Variants in TMBIM6 observed in about 807,000 individuals in gnomAD.
The protein encoded by TMBIM6 is bax inhibitor 1.
In TMBIM6, 13 loss-of-function variants were observed where a neutral mutation model predicts 31.4. The ratio of observed to expected loss-of-function variants is 0.41; its 90% CI spans 0.27 to 0.66. The LOEUF (loss-of-function observed/expected upper bound fraction) is 0.66, where lower values mean the gene tolerates loss of function less well. Ranked by LOEUF, TMBIM6 falls within the 30% of genes least tolerant of loss-of-function variation. TMBIM6 has a pLI of 0.28. For synonymous variants in TMBIM6, 85 were observed against 101.7 expected, an observed-to-expected ratio of 0.84 and a Z score of 0.99; for missense variants, 275 against 289.5, an observed-to-expected ratio of 0.95 and a Z score of 0.36.
intron 4 of TMBIM6, among the ~76,000 whole-genome samples, chr12:49,758,026 A>G (rs1196377193): frequency 2.0e-5 from 3 of 151,098 alleles, no homozygotes; most frequent in Non-Finnish European, 2.9e-5. Flanking sequence ...TTTTGCAGCT[A>G]TTTCTATAAA....
chr12:49,761,859 T>C (rs576295243), intron 9 of TMBIM6, 80 bp downstream of exon 9: 814 of 1,396,284 alleles, frequency 5.8e-4, no homozygotes, highest in Non-Finnish European at 4.5e-4. Flanking sequence ...ATTTGAAAAC[T>C]TGCTCACACA....
At position 49,764,297 on chromosome 12, in the gene TMBIM6, T is replaced by C. The variant is rs983883290; in HGVS notation, c.*1401T>C. 1 of 152,190 alleles carries C rather than the reference T, an allele frequency of 6.6e-6. No homozygotes were observed. The highest frequency in any genetic ancestry group is 6.5e-5 in the Admixed American group (1 of 15,278). 9.4% of individuals were successfully genotyped at this position (152,190 alleles called of 1,614,324 possible). The stretch of plus-strand genomic sequence containing the variant: ...GCTTCAGTGTGAGAGGATCGAGCCA[T>C]TGAAAGCTCATTACCAGTAGGACAT... On this transcript the variant is annotated 3_prime_UTR_variant, in exon 10 of 10. Transcript: ENST00000267115.
chr12:49,757,869 C>G (rs1405056239), intron 4 of TMBIM6, among the ~76,000 whole-genome samples: 1 of 152,176 alleles, frequency 6.6e-6, no homozygotes, highest in African/African-American at 2.4e-5. Flanking sequence ...CTGTTTTGCT[C>G]TTTATCCTTT....
intron 1 of TMBIM6, among the ~76,000 whole-genome samples, chr12:49,747,799 G>A (rs1295818874): frequency 3.3e-5 from 5 of 152,106 alleles, no homozygotes; most frequent in African/African-American, 7.2e-5. Flanking sequence ...CTAAATCCAC[G>A]ATAGTTTTGT....
intron 1 of TMBIM6, among the ~76,000 whole-genome samples, chr12:49,746,326 C>T (rs982456950): frequency 3.3e-5 from 5 of 151,934 alleles, no homozygotes; most frequent in East Asian, 1.9e-4. Context: ...TCAAGTGATC[C>T]GCCTGCCTCA....
Position 49,763,115 on chromosome 12 carries a change from T to A in TMBIM6, c.*219T>A. The A allele has an allele frequency of 2.2e-6, 1 of 452,746 alleles. No homozygotes were observed. Among genetic ancestry groups the A allele is most frequent in the South Asian group, 3.9e-5 (1 of 25,898 alleles). 28.0% of individuals were successfully genotyped at this position (452,746 alleles called of 1,614,324 possible). A position where few individuals can be genotyped will look rare whatever the true frequency, so the allele number is the denominator to read the frequency against. Reference sequence around the variant, plus strand: ...TCTTCCTGGGGTTCCCCTCACTCCCTTTTTTGTCAACCCCATCTGTAGCCT... The same window carrying A: ...TCTTCCTGGGGTTCCCCTCACTCCCATTTTTGTCAACCCCATCTGTAGCCT... On this transcript the variant is annotated 3_prime_UTR_variant, in exon 10 of 10. Coordinates refer to ENST00000267115, the MANE Select transcript of TMBIM6 (RefSeq NM_003217.3).
In TMBIM6 at chr12:49,758,369, T is replaced by G. The variant is rs1249075211; in HGVS notation, c.336-14T>G. 2.5e-6 allele frequency: 4 copies of G among 1,613,868 alleles called. No individual in the cohort carries two copies. Among genetic ancestry groups the G allele is most frequent in the Non-Finnish European group, 3.4e-6 (4 of 1,179,872 alleles). ...ACCTGTAGCCCTTAATCTAATGGTCTTTTTTTCTAACAGCATCCTTCCCAC... is the reference window on the plus strand; with the variant it reads ...ACCTGTAGCCCTTAATCTAATGGTCGTTTTTTCTAACAGCATCCTTCCCAC... On this transcript the variant is annotated splice_polypyrimidine_tract_variant and intron_variant, in intron 5 of 9. Coordinates refer to ENST00000267115, the MANE Select transcript of TMBIM6 (RefSeq NM_003217.3).
chr12:49,745,855 C>T (rs2136928724), intron 1 of TMBIM6, among the ~76,000 whole-genome samples: 1 of 152,254 alleles, frequency 6.6e-6, no homozygotes, highest in South Asian at 2.1e-4. Flanking sequence ...TTTTGCCCAA[C>T]TTCAGACTAA....
chr12:49,756,283 G>C (rs1169983641), intron 4 of TMBIM6, among the ~76,000 whole-genome samples: 11 of 150,440 alleles, frequency 7.3e-5, no homozygotes, highest in African/African-American at 2.7e-4. Context: ...TTACAGGCAT[G>C]TGCCACCATG....
At chr12:49,744,197 TATATAA>T (rs1794478807) in intron 1 of TMBIM6, among the ~76,000 whole-genome samples, 1 of 152,218 alleles carries the variant, frequency 6.6e-6, no homozygotes, top group Non-Finnish European at 1.5e-5. Flanking sequence ...TTATAAATTT[TATATAA>T]ATATAGTCAG....
chr12:49,758,986 C>T, intron 7 of TMBIM6: 2 of 627,636 alleles, frequency 3.2e-6, no homozygotes, highest in Non-Finnish European at 5.5e-6. Flanking sequence ...TTGTGTAAGG[C>T]CAGTCTGGCA....
In TMBIM6 at chr12:49,752,944, G is replaced by C. The variant is rs769694154; in HGVS notation, c.57-29G>C. Reference sequence around the variant, plus strand: ...TTAAATATGAGATTGATCTGGGACTGATTGCTCTTATTCACATTCTTTTCT... The same window carrying C: ...TTAAATATGAGATTGATCTGGGACTCATTGCTCTTATTCACATTCTTTTCT... On this transcript the variant is annotated intron_variant, in intron 2 of 9. Coordinates refer to ENST00000267115, the MANE Select transcript of TMBIM6 (RefSeq NM_003217.3). The C allele has an allele frequency of 1.2e-5, 19 of 1,592,382 alleles. No homozygotes were observed. In the East Asian group the frequency reaches 4.3e-4, roughly 36 times the overall value.
chr12:49,747,896 G>T (rs1228056528), intron 1 of TMBIM6, among the ~76,000 whole-genome samples: 4 of 151,770 alleles, frequency 2.6e-5, no homozygotes, highest in African/African-American at 4.8e-5. Flanking sequence ...GAATGGTTGT[G>T]TTTTTTTTAA....
rs551480620 is a variant in TMBIM6, at chr12:49,759,184, T to C, written c.514-37T>C. ...GGCTGGTTTTTTTTTCTCTGCAACT[T>C]CTGCTGTATAGTAACTTCATCTCTT... On this transcript the variant is annotated intron_variant, in intron 7 of 9. Transcript: ENST00000267115. 2.5e-6 allele frequency: 4 copies of C among 1,568,930 alleles called. No individual in the cohort carries two copies. The Admixed American group carries it at 6.8e-5, about 27-fold the overall frequency.
intron 9 of TMBIM6, 70 bp downstream of exon 9, chr12:49,761,849 A>G: frequency 1.3e-6 from 2 of 1,504,538 alleles, no homozygotes; most frequent in Non-Finnish European, 1.8e-6. Context: ...TATACTTCAG[A>G]TTTGAAAACT....
At chr12:49,753,494 C>T (rs1283435318) in intron 3 of TMBIM6, among the ~76,000 whole-genome samples, 4 of 152,140 alleles carry the variant, frequency 2.6e-5, no homozygotes, top group Admixed American at 6.5e-5. Flanking sequence ...TTTTATTTTC[C>T]GATAACTGTT....
At chr12:49,758,352 C>G (rs767086198) in intron 5 of TMBIM6, 31 bp from the exon 6 acceptor site, 49 of 1,613,532 alleles carry the variant, frequency 3.0e-5, no homozygotes, top group South Asian at 1.4e-4. Context: ...ATACCTGTAG[C>G]CCTTAATCTA....
At chr12:49,752,885 C>A in intron 2 of TMBIM6, 88 bp from the exon 3 acceptor site, 1 of 1,228,738 alleles carries the variant, frequency 8.1e-7, no homozygotes, top group Non-Finnish European at 1.2e-6. Context: ...TACATATTCC[C>A]AGGAAGGGAA....
chr12:49,742,099 C>G (rs1424009685), intron 1 of TMBIM6: 4 of 1,597,562 alleles, frequency 2.5e-6, no homozygotes, highest in Middle Eastern at 1.9e-4. Context: ...GTGAGCGGCC[C>G]GGAGCCAAGA....
Sources: allele counts gnomAD v4.1 joint callset (sites outside exome capture counted in the v4.1 genomes callset), GRCh38; gene constraint gnomAD v4.1.1; transcripts MANE v1.5; gene names NCBI Gene and HGNC (gene_info 2026-07-23, HGNC 2026-07-21).